STON2: variants seen among roughly 807,000 people sequenced by gnomAD.
STON2 encodes stonin 2.
In STON2, 29 loss-of-function variants were observed where a neutral mutation model predicts 65.7. The ratio of observed to expected loss-of-function variants is 0.44; its 90% CI spans 0.33 to 0.60. The LOEUF is 0.60. Among genes scored for constraint, STON2 ranks in the 20% least tolerant of loss-of-function variants. The probability of loss-of-function intolerance (pLI) is 0.03; values close to 1 mark genes in which losing one functional copy is unlikely to be tolerated. For synonymous variants in STON2, 404 were observed against 414.2 expected, an observed-to-expected ratio of 0.98 and a Z score of 0.30; for missense variants, 1,054 against 1,118.1, an observed-to-expected ratio of 0.94 and a Z score of 0.82.
chr14:81,337,162 A>G (rs1897404758), intron 4 of STON2, among the ~76,000 whole-genome samples: 2 of 152,208 alleles, frequency 1.3e-5, no homozygotes, highest in Admixed American at 1.3e-4. Flanking sequence ...GACCCTGGGA[A>G]ATGTGCTCTT....
chr14:81,272,030 T>TG (rs1166460620), intron 6 of STON2, among the ~76,000 whole-genome samples: 1 of 152,080 alleles, frequency 6.6e-6, no homozygotes, highest in Non-Finnish European at 1.5e-5. Context: ...GAGACCATCC[T>TG]GCTAAAATGG....
Position 81,422,450 on chromosome 14 carries a change from T to C in STON2, c.-199+4652A>G, listed in dbSNP as rs890258877. On this transcript the variant is annotated intron_variant, in intron 2 of 8. Transcript: ENST00000553821. ...CGCAGAACTATGAGCCAAATAAACC[T>C]CTTTTCTTTATAAATTACCCAGTCT... is the stretch of plus-strand genomic sequence containing the variant. Among the ~76,000 whole-genome samples the C allele has an allele frequency of 2.0e-5, 3 of 152,098 alleles. No homozygotes were observed. The South Asian group carries it at 6.2e-4, about 32-fold the overall frequency.
At position 81,417,869 on chromosome 14, in the gene STON2, C is replaced by CAG. The variant is rs577776872; in HGVS notation, c.-199+9231_-199+9232dup. ...TAGACCCTCGGGTGACAGAGCCAGG[C>CAG]AGAGAGAGAGATAGAAAAACCAGAG... On this transcript the variant is annotated intron_variant, in intron 2 of 8. Coordinates refer to the STON2 transcript ENST00000553821. 2.0e-4 allele frequency among the ~76,000 whole-genome samples: 31 copies of CAG among 152,026 alleles called. No homozygotes were observed. In the East Asian group the frequency reaches 4.8e-3, roughly 24 times the overall value.
chr14:81,411,648 A>G (rs1157018106), intron 2 of STON2, among the ~76,000 whole-genome samples: 1 of 152,266 alleles, frequency 6.6e-6, no homozygotes, highest in African/African-American at 2.4e-5. Flanking sequence ...CAGAGGTTGC[A>G]GTGAGCCAAG....
chr14:81,267,956 G>C lies in STON2; in HGVS notation c.*458C>G. 1 of 986,626 alleles carries C rather than the reference G, an allele frequency of 1.0e-6. No individual in the cohort carries two copies. The highest frequency in any genetic ancestry group is 1.2e-6 in the Non-Finnish European group (1 of 830,816). The allele number at this position is 986,626 out of a possible 1,614,324, so 61.1% of individuals were successfully genotyped here. A position where few individuals can be genotyped will look rare whatever the true frequency, so the allele number is the denominator to read the frequency against. ...ACCTTTTCTGAACCTTTTCTAGACA[G>C]AGTGAAAGAGATGGATTCTTAATTA... On this transcript the variant is annotated 3_prime_UTR_variant, in exon 8 of 8. Transcript: ENST00000614646.
At chr14:81,318,066 A>G (rs1896691281) in intron 5 of STON2, among the ~76,000 whole-genome samples, 1 of 152,016 alleles carries the variant, frequency 6.6e-6, no homozygotes, top group East Asian at 1.9e-4. Flanking sequence ...CCTGGGTTCA[A>G]GCGAGTCTCC....
intron 5 of STON2, among the ~76,000 whole-genome samples, chr14:81,288,957 A>C (rs1418189773): frequency 1.3e-5 from 2 of 150,284 alleles, no homozygotes; most frequent in Non-Finnish European, 2.9e-5. Context: ...TAATGCCCAC[A>C]CTCTTACTGT....
chr14:81,400,606 G>A (rs960707559), upstream of STON2, among the ~76,000 whole-genome samples: 3 of 152,080 alleles, frequency 2.0e-5, no homozygotes, highest in African/African-American at 7.2e-5. Context: ...GATAAGTGGG[G>A]TAGGGAAGAG....
intron 2 of STON2, among the ~76,000 whole-genome samples, chr14:81,406,318 C>T (rs1040335388): frequency 3.3e-5 from 5 of 152,180 alleles, no homozygotes; most frequent in Non-Finnish European, 5.9e-5. Context: ...TGGTTCTAGG[C>T]TTTGCTAGGG....
rs768609504 is a variant in STON2, at chr14:81,263,955, T to C, written c.*4459A>G. Reference sequence around the variant, plus strand: ...GACCTTACTATCTCAGACCTCCATCTTACTGTGGTGACAAAATAAATGCAA... The same window carrying C: ...GACCTTACTATCTCAGACCTCCATCCTACTGTGGTGACAAAATAAATGCAA... On this transcript the variant is annotated 3_prime_UTR_variant, in exon 8 of 8. Coordinates refer to ENST00000614646, the MANE Select transcript of STON2 (RefSeq NM_001394390.1). 1 of 985,468 alleles carries C rather than the reference T, an allele frequency of 1.0e-6. No homozygotes were observed. Among genetic ancestry groups the C allele is most frequent in the Non-Finnish European group, 1.2e-6 (1 of 829,934 alleles). 61.0% of individuals were successfully genotyped at this position (985,468 alleles called of 1,614,324 possible). A position where few individuals can be genotyped will look rare whatever the true frequency, so the allele number is the denominator to read the frequency against.
intron 4 of STON2, among the ~76,000 whole-genome samples, chr14:81,340,182 A>G (rs1368994470): frequency 6.6e-6 from 1 of 152,118 alleles, no homozygotes; most frequent in African/African-American, 2.4e-5. Context: ...AGCTGAGTAA[A>G]AGAAGCCAGG....
intron 5 of STON2, among the ~76,000 whole-genome samples, chr14:81,302,488 G>C (rs1008823961): frequency 6.6e-6 from 1 of 152,240 alleles, no homozygotes; most frequent in African/African-American, 2.4e-5. Flanking sequence ...CAACAACTCA[G>C]AAAGTGTTTG....
intron 7 of STON2, chr14:81,268,743 G>C: frequency 1.4e-6 from 1 of 705,722 alleles, no homozygotes; most frequent in African/African-American, 1.9e-5. Flanking sequence ...TCTTTGCCTT[G>C]TACATTTGGT....
intron 5 of STON2, among the ~76,000 whole-genome samples, chr14:81,293,320 C>T (rs1406200265): frequency 2.0e-5 from 3 of 152,062 alleles, no homozygotes; most frequent in South Asian, 2.1e-4. Context: ...ACTGCAGGAG[C>T]GTGCCACCAC....
In STON2 at chr14:81,263,553, A is replaced by C. The variant is rs12897788; in HGVS notation, c.*4861T>G. On this transcript the variant is annotated 3_prime_UTR_variant, in exon 8 of 8. Transcript: ENST00000614646. The stretch of plus-strand genomic sequence containing the variant: ...ACTCCGTCTCAAAAAAAAAAAAAAA[A>C]AAAAAAACAAAAAAGAAAATGCTAT... The C allele has an allele frequency of 0.1, 18,272 of 182,746 alleles. 1,192 individuals carry two copies. The highest frequency in any genetic ancestry group is 0.16 in the African/African-American group (6,382 of 40,962). 11.3% of individuals were successfully genotyped at this position (182,746 alleles called of 1,614,324 possible).
chr14:81,412,278 A>G (rs1901201231), intron 2 of STON2, among the ~76,000 whole-genome samples: 1 of 140,136 alleles, frequency 7.1e-6, no homozygotes, highest in Non-Finnish European at 1.5e-5. Flanking sequence ...TAAAGCAAAC[A>G]ATTAGGAAGC....
At position 81,285,425 on chromosome 14, in the gene STON2, A is replaced by G. The variant is rs562428887; in HGVS notation, c.743-6686T>C. On this transcript the variant is annotated intron_variant, in intron 5 of 7. Coordinates refer to ENST00000614646, the MANE Select transcript of STON2 (RefSeq NM_001394390.1). ...GTGGTAGAAACAGTGAGAGAACAAG[A>G]AGTGAAACCTGAAGATATGACTGAA... 2.6e-5 allele frequency among the ~76,000 whole-genome samples: 4 copies of G among 152,338 alleles called. No homozygotes were observed. The South Asian group carries it at 6.2e-4, about 24-fold the overall frequency.
rs537805730 is a variant in STON2, at chr14:81,426,387, CCT to C, written c.-199+713_-199+714del. On this transcript the variant is annotated intron_variant, in intron 2 of 8. Coordinates refer to the STON2 transcript ENST00000553821. ...ATTTCCCAGTGAAGCTGGCATGTCC[CCT>C]GATTCAACCCTAGGACCCCTTCTCC... Among the ~76,000 whole-genome samples the C allele has an allele frequency of 8.5e-5, 13 of 152,282 alleles. No homozygotes were observed. The South Asian group carries it at 2.3e-3, about 27-fold the overall frequency.
intron 6 of STON2, among the ~76,000 whole-genome samples, chr14:81,273,096 T>G (rs753182416): frequency 5.3e-5 from 8 of 152,244 alleles, no homozygotes. Flanking sequence ...TTACACTTAT[T>G]TTGCACATTG....
Sources: gnomAD v4.1 joint callset for allele counts (sites outside exome capture counted in the v4.1 genomes callset) on GRCh38, gnomAD v4.1.1 for gene constraint, MANE v1.5 for transcripts, NCBI Gene and HGNC (gene_info 2026-07-23, HGNC 2026-07-21) for gene names.